Variants in NUFIP1 observed in about 807,000 individuals in gnomAD.
The protein encoded by NUFIP1 is nuclear FMR1 interacting protein 1, also known as FMR1-interacting protein NUFIP1.
A neutral mutation model predicts 56.2 loss-of-function variants in NUFIP1; 38 were observed. The observed-to-expected ratio is 0.68, with a 90% CI of 0.52 to 0.89. The LOEUF is 0.89. Among genes scored for constraint, NUFIP1 ranks in the 40% least tolerant of loss-of-function variants. The pLI, the probability that NUFIP1 is intolerant of heterozygous loss-of-function variation, is 0.00. For synonymous variants in NUFIP1, 215 were observed against 212.4 expected (o/e 1.01, Z -0.10); for missense variants, 567 against 605.8 (o/e 0.94, Z 0.67).
intron 5 of NUFIP1, among the ~76,000 whole-genome samples, chr13:44,971,164 C>T (rs1335013557): frequency 1.3e-5 from 2 of 152,000 alleles, no homozygotes; most frequent in Admixed American, 6.6e-5. Flanking sequence ...TATGGAAGAA[C>T]CTCAGATGAA....
chr13:44,943,546 G>C lies in NUFIP1; in HGVS notation c.1267C>G (p.Arg423Gly), dbSNP rs376727786. The change falls in exon 9 of 10, where the codon CGA (arginine) becomes GGA (glycine). Residue 423 changes from arginine to glycine, a missense_variant. By Grantham distance (125) the Arg-to-Gly change is moderately radical. Coordinates refer to ENST00000379161, the MANE Select transcript of NUFIP1 (RefSeq NM_012345.3). ...RNFSEAKSEN[R>G]KKSFEKTNPK... ...TTTGTTTTTTCAAAGCTTTTCTTTC[G>C]GTTCTCACTCTTGGCTTCTGAAAAA... is the stretch of plus-strand genomic sequence containing the variant. 124 of 1,613,724 alleles carry C rather than the reference G, an allele frequency of 7.7e-5. No homozygotes were observed. Among genetic ancestry groups the C allele is most frequent in the Non-Finnish European group, 1.0e-4 (120 of 1,179,956 alleles).
chr13:44,942,860 G>T (rs1870788281), intron 9 of NUFIP1, among the ~76,000 whole-genome samples: 1 of 151,988 alleles, frequency 6.6e-6, no homozygotes, highest in African/African-American at 2.4e-5. Context: ...CAGCTACTTG[G>T]GAGGCTGGGG....
chr13:44,985,865 C>T (rs920603341), intron 1 of NUFIP1, among the ~76,000 whole-genome samples: 22 of 152,238 alleles, frequency 1.4e-4, no homozygotes, highest in South Asian at 8.3e-4. Context: ...CATTTTAAAT[C>T]GAAAGCCAGA....
intron 5 of NUFIP1, among the ~76,000 whole-genome samples, chr13:44,975,248 A>G (rs764493881): frequency 3.9e-5 from 6 of 152,002 alleles, no homozygotes; most frequent in Non-Finnish European, 5.9e-5. Flanking sequence ...TCCCAGTTTC[A>G]TGACTCAAAA....
At chr13:44,960,065 G>A (rs1871370610) in intron 6 of NUFIP1, among the ~76,000 whole-genome samples, 1 of 151,320 alleles carries the variant, frequency 6.6e-6, no homozygotes, top group East Asian at 1.9e-4. Context: ...CCAAGCAGCT[G>A]GGATTACAGG....
chr13:44,981,189 C>T (rs1392140814), intron 2 of NUFIP1, among the ~76,000 whole-genome samples: 6 of 152,120 alleles, frequency 3.9e-5, no homozygotes, highest in African/African-American at 1.4e-4. Flanking sequence ...ATAACTACAG[C>T]TGACCCTTGA....
intron 6 of NUFIP1, among the ~76,000 whole-genome samples, chr13:44,961,574 G>A (rs950024235): frequency 2.6e-5 from 4 of 152,172 alleles, no homozygotes; most frequent in Admixed American, 6.5e-5. Flanking sequence ...AACCCTTGGA[G>A]AATCTCATTA....
intron 4 of NUFIP1, 35 bp downstream of exon 4, chr13:44,979,846 AAAAGAGCAT>A (rs1443996035): frequency 7.2e-7 from 1 of 1,380,206 alleles, no homozygotes. Context: ...CAGATCAATA[AAAAGAGCAT>A]GTATTTAAAA....
At chr13:44,952,438 T>A (rs1193111269) in intron 7 of NUFIP1, among the ~76,000 whole-genome samples, 1 of 152,202 alleles carries the variant, frequency 6.6e-6, no homozygotes, top group Non-Finnish European at 1.5e-5. Context: ...ACATTTTCTA[T>A]ATTACTTTTA....
chr13:44,949,625 T>C (rs1161338185), intron 8 of NUFIP1, 97 bp downstream of exon 8: 1 of 696,314 alleles, frequency 1.4e-6, no homozygotes, highest in Non-Finnish European at 2.4e-6. Context: ...GAAAACCAAA[T>C]AAAGGATGCA....
chr13:44,961,926 T>C (rs1871438229), intron 6 of NUFIP1, among the ~76,000 whole-genome samples: 1 of 152,258 alleles, frequency 6.6e-6, no homozygotes. Flanking sequence ...GTAGTGTATC[T>C]GTTATTTGCA....
chr13:44,985,532 T>C (rs957805621), intron 1 of NUFIP1, among the ~76,000 whole-genome samples: 1 of 152,222 alleles, frequency 6.6e-6, no homozygotes, highest in Non-Finnish European at 1.5e-5. Flanking sequence ...CCAACAACAA[T>C]GTGCTGTCTT....
At chr13:44,980,642 A>G in intron 3 of NUFIP1, 80 bp downstream of exon 3, 3 of 968,606 alleles carry the variant, frequency 3.1e-6, no homozygotes, top group Non-Finnish European at 4.7e-6. Context: ...AAAGGAAAAC[A>G]AGCTTGGCAT....
chr13:44,941,929 C>CAG (rs1198670775), intron 9 of NUFIP1, among the ~76,000 whole-genome samples: 1 of 150,536 alleles, frequency 6.6e-6, no homozygotes, highest in African/African-American at 2.4e-5. Flanking sequence ...TTTTTTGAGA[C>CAG]AGAGTTCCAC....
At chr13:44,956,648 A>C (rs1050419029) in intron 7 of NUFIP1, among the ~76,000 whole-genome samples, 1 of 152,134 alleles carries the variant, frequency 6.6e-6, no homozygotes, top group Non-Finnish European at 1.5e-5. Context: ...TAAATCCCTC[A>C]CGTGCACAGT....
chr13:44,971,274 C>T (rs895239037), intron 5 of NUFIP1, among the ~76,000 whole-genome samples: 3 of 152,136 alleles, frequency 2.0e-5, no homozygotes, highest in Admixed American at 6.5e-5. Flanking sequence ...CACCCCATTT[C>T]CTCATTCTCT....
chr13:44,977,304 T>C (rs1398204245), intron 5 of NUFIP1, among the ~76,000 whole-genome samples: 1 of 152,196 alleles, frequency 6.6e-6, no homozygotes, highest in Non-Finnish European at 1.5e-5. Context: ...AAATAAGCTA[T>C]GTATTTGCAA....
At position 44,982,097 on chromosome 13, in the gene NUFIP1, G is replaced by C; in HGVS notation, c.470C>G (p.Pro157Arg). 1 of 1,508,066 alleles carries C rather than the reference G, an allele frequency of 6.6e-7. No individual in the cohort carries two copies. Among genetic ancestry groups the C allele is most frequent in the Non-Finnish European group, 8.8e-7 (1 of 1,130,464 alleles). The allele number at this position is 1,508,066 out of a possible 1,614,324, so 93.4% of individuals were successfully genotyped here. The change falls in exon 2 of 10, where the codon CCT becomes CGT. Residue 157 changes from proline (P) to arginine (R), a missense_variant. Physicochemically the swap from Pro to Arg is moderately radical, Grantham distance 103. Coordinates refer to ENST00000379161, the MANE Select transcript of NUFIP1 (RefSeq NM_012345.3). The part of the protein sequence containing the change: ...YDAKFTDFSL[P>R]PSRKQKKKKR... Reference sequence around the variant, plus strand: ...CTTTTTTTTCTGTTTTCTACTGGGAGGTAAGCTGAAGTCTGTGAATTTTGC... The same window carrying C: ...CTTTTTTTTCTGTTTTCTACTGGGACGTAAGCTGAAGTCTGTGAATTTTGC...
At chr13:44,972,291 C>T (rs1254934774) in intron 5 of NUFIP1, among the ~76,000 whole-genome samples, 1 of 152,184 alleles carries the variant, frequency 6.6e-6, no homozygotes, top group Non-Finnish European at 1.5e-5. Context: ...AACTGATATA[C>T]ATCCATACTA....
Sources: gnomAD v4.1 joint callset for allele counts (sites outside exome capture counted in the v4.1 genomes callset) on GRCh38, gnomAD v4.1.1 for gene constraint, MANE v1.5 for transcripts, NCBI Gene and HGNC (gene_info 2026-07-23, HGNC 2026-07-21) for gene names.